SKOR2: variants seen among roughly 807,000 people sequenced by gnomAD.
SKOR2 encodes LBX1 corepressor 1-like protein.
In SKOR2, 47 loss-of-function variants were observed where a neutral mutation model predicts 69.1. The observed-to-expected ratio is 0.68, with a 90% confidence interval of 0.54 to 0.87. The LOEUF (loss-of-function observed/expected upper bound fraction) is 0.87. SKOR2 is among the 40% of genes least tolerant of loss of function. The pLI is 0.00. For missense variants in SKOR2, 1,404 were observed against 1,472.2 expected, an observed-to-expected ratio of 0.95 and a Z score of 0.76; for synonymous variants, 717 against 672.6, an observed-to-expected ratio of 1.07 and a Z score of -1.02.
intron 6 of SKOR2, among the ~76,000 whole-genome samples, chr18:47,226,583 T>C (rs745810776): frequency 1.3e-5 from 2 of 152,182 alleles, no homozygotes; most frequent in Non-Finnish European, 2.9e-5. Flanking sequence ...AAACTTATTG[T>C]TTAGTATTAA....
rs1443629998 is a variant in SKOR2, at chr18:47,230,572, A to G, written c.2819-15T>C. ...CTGAAGTTCTTCTAATAAAAAAAAGAAGAGTCATTTTACTAATCTTTACAA... is the reference window on the plus strand; with the variant it reads ...CTGAAGTTCTTCTAATAAAAAAAAGGAGAGTCATTTTACTAATCTTTACAA... On this transcript the variant is annotated splice_polypyrimidine_tract_variant and intron_variant, in intron 5 of 8. Transcript: ENST00000425639. 9 of 1,379,384 alleles carry G rather than the reference A, an allele frequency of 6.5e-6. No homozygotes were observed. The Admixed American group carries it at 2.9e-4, about 44-fold the overall frequency. The allele number at this position is 1,379,384 out of a possible 1,614,324, so 85.4% of individuals were successfully genotyped here.
chr18:47,250,190 A>G (rs558669296), intron 1 of SKOR2, among the ~76,000 whole-genome samples: 1 of 152,264 alleles, frequency 6.6e-6, no homozygotes, highest in Admixed American at 6.5e-5. Context: ...TTATTTTGAT[A>G]TCTCTATATC....
intron 7 of SKOR2, among the ~76,000 whole-genome samples, chr18:47,214,963 T>C (rs2144479367): frequency 6.6e-6 from 1 of 150,622 alleles, no homozygotes; most frequent in South Asian, 2.1e-4. Flanking sequence ...AATTACCTAC[T>C]TGGTTATAGT....
intron 8 of SKOR2, among the ~76,000 whole-genome samples, chr18:47,207,270 G>A (rs2064115863): frequency 6.6e-6 from 1 of 152,166 alleles, no homozygotes; most frequent in Admixed American, 6.6e-5. Flanking sequence ...ATAGAAGTAT[G>A]AGTGGAGGTT....
chr18:47,224,498 T>C (rs1357794034), intron 6 of SKOR2, among the ~76,000 whole-genome samples: 1 of 152,082 alleles, frequency 6.6e-6, no homozygotes, highest in Non-Finnish European at 1.5e-5. Context: ...GACAAACCCA[T>C]AGGGTACATC....
In SKOR2 at chr18:47,248,015, G is replaced by A; in HGVS notation, c.1169C>T (p.Ser390Leu). The A allele has an allele frequency of 1.4e-6, 2 of 1,439,220 alleles. No homozygotes were observed. Among genetic ancestry groups the A allele is most frequent in the South Asian group, 1.4e-5 (1 of 72,576 alleles). 89.2% of individuals were successfully genotyped at this position (1,439,220 alleles called of 1,614,324 possible). A position where few individuals can be genotyped will look rare whatever the true frequency, so the allele number is the denominator to read the frequency against. The part of the protein sequence containing the change: ...YPVIPVPSKG[S>L]FGGVLQKFPG... Reference sequence around the variant, plus strand: ...GAACTTCTGCAGGACGCCCCCGAACGAGCCCTTGCTGGGCACCGGGATGAC... The same window carrying A: ...GAACTTCTGCAGGACGCCCCCGAACAAGCCCTTGCTGGGCACCGGGATGAC... Residue 390 changes from serine to leucine, a missense_variant, in exon 2 of 9, where the codon TCG becomes TTG. Physicochemically the swap from Ser to Leu is moderately radical, Grantham distance 145 (BLOSUM62 -2). This residue lies in a region of SKOR2 where 1,266 missense variants were observed against 1,309.9 expected (regional missense o/e 0.97). Coordinates refer to ENST00000425639, the MANE Select transcript of SKOR2 (RefSeq NM_001278063.4). The surrounding 1 kb of genome is among the most constrained non-coding windows in gnomAD (Gnocchi z 6.4).
At position 47,248,179 on chromosome 18, in the gene SKOR2, G is replaced by A; in HGVS notation, c.1005C>T (p.Ser335=). 3 of 1,234,204 alleles carry A rather than the reference G, an allele frequency of 2.4e-6. No homozygotes were observed. Among genetic ancestry groups the A allele is most frequent in the Non-Finnish European group, 3.0e-6 (3 of 991,646 alleles). The allele number at this position is 1,234,204 out of a possible 1,614,324, so 76.5% of individuals were successfully genotyped here. The change falls in exon 2 of 9, where the codon AGC becomes AGT. Residue 335 remains serine, a synonymous_variant. Transcript: ENST00000425639. This position sits in a 1 kb window ranked among gnomAD's most constrained non-coding sequence, Gnocchi z 6.4. ...CGCCCGAAGCAGCAGCCACAGAGAG[G>A]CTGGCGGCTGCGGCCGAGAGGCTGG... The part of the protein sequence containing the change: ...AAASLSAAAA[S]LSVAAASGGA...
chr18:47,227,606 C>T (rs569591756), intron 6 of SKOR2, among the ~76,000 whole-genome samples: 1 of 152,304 alleles, frequency 6.6e-6, no homozygotes, highest in Admixed American at 6.5e-5. Context: ...GCTAGGATTA[C>T]AGGCGTAAGC....
chr18:47,244,343 T>G (rs2064261776), intron 4 of SKOR2, among the ~76,000 whole-genome samples: 1 of 152,180 alleles, frequency 6.6e-6, no homozygotes, highest in Non-Finnish European at 1.5e-5. Flanking sequence ...GATTCCTTTT[T>G]CCCAAGAAAC....
chr18:47,239,831 TAG>T (rs1283102187), intron 4 of SKOR2, among the ~76,000 whole-genome samples: 17 of 152,172 alleles, frequency 1.1e-4, no homozygotes, highest in Non-Finnish European at 2.4e-4. Context: ...GCTAGTAAAC[TAG>T]AGACAGGAGG....
intron 6 of SKOR2, among the ~76,000 whole-genome samples, chr18:47,227,209 TTCCTCC>T (rs1159937194): frequency 2.0e-5 from 3 of 151,206 alleles, no homozygotes; most frequent in African/African-American, 7.3e-5. Context: ...CCCTCTACCC[TTCCTCC>T]TCCTCCTCCT....
chr18:47,210,032 G>A (rs756069925), intron 8 of SKOR2, among the ~76,000 whole-genome samples: 45 of 152,118 alleles, frequency 3.0e-4, no homozygotes, highest in Non-Finnish European at 5.4e-4. Flanking sequence ...AGCTGTGATC[G>A]CATCACTGCA....
chr18:47,215,885 A>C (rs2064142522), intron 7 of SKOR2, among the ~76,000 whole-genome samples: 1 of 152,206 alleles, frequency 6.6e-6, no homozygotes, highest in Non-Finnish European at 1.5e-5. Flanking sequence ...ATGACTAAAA[A>C]ATAAAAAAGC....
intron 2 of SKOR2, 58 bp downstream of exon 2, chr18:47,246,513 C>T: frequency 6.9e-7 from 1 of 1,445,176 alleles, no homozygotes; most frequent in Non-Finnish European, 9.0e-7. Flanking sequence ...CCGATTCAGC[C>T]TAAAGGTGCA....
At chr18:47,212,062 A>C (rs1369065982) in intron 8 of SKOR2, 24 bp downstream of exon 8, 2 of 1,231,466 alleles carry the variant, frequency 1.6e-6, no homozygotes, top group African/African-American at 3.1e-5. Flanking sequence ...AGTTAAGAAA[A>C]TCTCTTTCCT....
At chr18:47,242,479 G>T (rs1177939925) in intron 4 of SKOR2, among the ~76,000 whole-genome samples, 1 of 151,976 alleles carries the variant, frequency 6.6e-6, no homozygotes, top group Non-Finnish European at 1.5e-5. Flanking sequence ...GTGAAATTTG[G>T]ATTTTCTCAT....
At position 47,247,639 on chromosome 18, in the gene SKOR2, C is replaced by G; in HGVS notation, c.1545G>C (p.Glu515Asp). Reference sequence around the variant, plus strand: ...CGGCGCTCCCAGCAGCACCGCCTGGCTCAGCCAGGTCCAGGAAGGCCTGGC... The same window carrying G: ...CGGCGCTCCCAGCAGCACCGCCTGGGTCAGCCAGGTCCAGGAAGGCCTGGC... ...LLRQAFLDLA[E>D]PGGAAGSAEA... is the part of the protein sequence containing the mutation. Residue 515 changes from glutamate to aspartate, a missense_variant, in exon 2 of 9, where the codon GAG (glutamate) becomes GAC (aspartate). By Grantham distance (45) the Glu-to-Asp change is conservative. Transcript: ENST00000425639. The surrounding 1 kb of genome is among the most constrained non-coding windows in gnomAD (Gnocchi z 6.6). The G allele has an allele frequency of 7.4e-7, 1 of 1,350,880 alleles. No individual in the cohort carries two copies. Among genetic ancestry groups the G allele is most frequent in the Non-Finnish European group, 9.5e-7 (1 of 1,054,424 alleles). 83.7% of individuals were successfully genotyped at this position (1,350,880 alleles called of 1,614,324 possible).
chr18:47,247,827 G>A lies in SKOR2; in HGVS notation c.1357C>T (p.Leu453Phe). 1.1e-5 allele frequency: 15 copies of A among 1,386,572 alleles called. No homozygotes were observed. The highest frequency in any genetic ancestry group is 3.6e-5 in the Admixed American group (1 of 27,750). 85.9% of individuals were successfully genotyped at this position (1,386,572 alleles called of 1,614,324 possible). A position where few individuals can be genotyped will look rare whatever the true frequency, so the allele number is the denominator to read the frequency against. ...GAAPKAGLSG[L>F]FWPAGRKDAF... is the part of the protein sequence containing the mutation. ...TCCTTGCGGCCCGCGGGCCAGAAGA[G>A]GCCGGACAAGCCGGCCTTGGGCGCC... Residue 453 changes from leucine (L) to phenylalanine (F), a missense_variant, in exon 2 of 9, where the codon CTC (leucine) becomes TTC (phenylalanine). Coordinates refer to ENST00000425639, the MANE Select transcript of SKOR2 (RefSeq NM_001278063.4). This position sits in a 1 kb window ranked among gnomAD's most constrained non-coding sequence, Gnocchi z 6.6.
In SKOR2 at chr18:47,247,657, G is replaced by T; in HGVS notation, c.1527C>A (p.Ala509=). 2 of 1,364,634 alleles carry T rather than the reference G, an allele frequency of 1.5e-6. No individual in the cohort carries two copies. The highest frequency in any genetic ancestry group is 3.1e-5 in the East Asian group (1 of 32,054). The allele number at this position is 1,364,634 out of a possible 1,614,324, so 84.5% of individuals were successfully genotyped here. Residue 509 remains alanine, a synonymous_variant, in exon 2 of 9, where the codon GCC becomes GCA. Coordinates refer to ENST00000425639, the MANE Select transcript of SKOR2 (RefSeq NM_001278063.4). The surrounding 1 kb of genome is among the most constrained non-coding windows in gnomAD (Gnocchi z 6.6). The part of the protein sequence containing the change: ...LGESPALLRQ[A]FLDLAEPGGA... ...CGCCTGGCTCAGCCAGGTCCAGGAA[G>T]GCCTGGCGCAGCAGGGCCGGGCTTT... is the stretch of plus-strand genomic sequence containing the variant.
Sources: gnomAD v4.1 joint callset for allele counts (sites outside exome capture counted in the v4.1 genomes callset) on GRCh38, gnomAD v4.1.1 for gene constraint, gnomAD v4.1.1 regional missense constraint, Gnocchi (gnomAD v3.1) non-coding constraint, MANE v1.5 for transcripts, NCBI Gene and HGNC (gene_info 2026-07-23, HGNC 2026-07-21) for gene names.